The following MOV10 variants were observed in gnomAD, a reference collection of about 807,000 sequenced individuals.
MOV10 encodes Mov10 RNA helicase, also known as RNA helicase MOV-10.
A neutral mutation model predicts 108.4 loss-of-function variants in MOV10; 39 were observed. The observed-to-expected ratio is 0.36, with a 90% CI of 0.28 to 0.47. MOV10 has a LOEUF of 0.47. Among genes scored for constraint, MOV10 ranks in the 20% least tolerant of loss-of-function variants. MOV10 has a pLI of 1.00. For missense variants in MOV10, 952 were observed against 1,297.6 expected (o/e 0.73, Z 4.09); for synonymous variants, 490 against 523.1 (o/e 0.94, Z 0.86).
intron 10 of MOV10, among the ~76,000 whole-genome samples, chr1:112,695,205 G>T (rs1043758948): frequency 2.6e-5 from 4 of 152,202 alleles, no homozygotes; most frequent in Non-Finnish European, 5.9e-5. Flanking sequence ...GGGTGACAGA[G>T]TGAGACTCTG....
chr1:112,689,270 C>A, intron 3 of MOV10, 132 bp downstream of exon 3: 1 of 1,223,548 alleles, frequency 8.2e-7, no homozygotes. Context: ...GGGGGAAGGG[C>A]AGGGAACTGG....
At chr1:112,699,284 G>A (rs578074885) in intron 17 of MOV10, 3 of 252,782 alleles carry the variant, frequency 1.2e-5, no homozygotes, top group African/African-American at 6.8e-5. Context: ...AGCCAGGGTT[G>A]AAAACACTGC....
chr1:112,679,747 CACAGTTTAAAA>C (rs1672480389), intron 2 of MOV10, among the ~76,000 whole-genome samples: 1 of 152,000 alleles, frequency 6.6e-6, no homozygotes, highest in Admixed American at 6.6e-5. Flanking sequence ...CAGAGAAATG[CACAGTTTAAAA>C]AGATAGGAGT....
intron 17 of MOV10, 126 bp downstream of exon 17, chr1:112,698,915 T>G (rs957237698): frequency 2.5e-6 from 2 of 800,926 alleles, no homozygotes; most frequent in African/African-American, 3.4e-5. Context: ...TGAATAGAGC[T>G]CGAGCTCTCC....
intron 2 of MOV10, among the ~76,000 whole-genome samples, chr1:112,678,788 CAG>C (rs1672400797): frequency 6.6e-6 from 1 of 151,928 alleles, no homozygotes; most frequent in Non-Finnish European, 1.5e-5. Flanking sequence ...TAGGAAAACA[CAG>C]AAAATTTCAA....
In MOV10 at chr1:112,700,453, G is replaced by A. The variant is rs765521903; in HGVS notation, c.2958G>A (p.Glu986=). 6.8e-5 allele frequency: 110 copies of A among 1,613,874 alleles called. 3 individuals are homozygous for A. The South Asian group carries it at 1.1e-3, about 16-fold the overall frequency. The change falls in exon 21 of 21, where the codon GAG becomes GAA. Residue 986 remains glutamate (E), a synonymous_variant. Coordinates refer to ENST00000369645, the MANE Select transcript of MOV10 (RefSeq NM_001321324.2). ...ATGACTACCTCCCCCAGGAGCGGGA[G>A]GGTGAAGGGGGCCTGTCTCTGCAAG... ...HSHDYLPQER[E]GEGGLSLQVE...
At chr1:112,679,202 G>A (rs570231437) in intron 2 of MOV10, among the ~76,000 whole-genome samples, 2 of 152,034 alleles carry the variant, frequency 1.3e-5, no homozygotes, top group Non-Finnish European at 2.9e-5. Flanking sequence ...AAACAGCAGG[G>A]GCGGCCTAAG....
At position 112,687,259 on chromosome 1, in the gene MOV10, C is replaced by T. The variant is rs139633270; in HGVS notation, c.138-1676C>T. Among the ~76,000 whole-genome samples, 116 of 152,286 alleles carry T rather than the reference C, an allele frequency of 7.6e-4. No homozygotes were observed. The Middle Eastern group carries it at 0.014, about 18-fold the overall frequency. On this transcript the variant is annotated intron_variant, in intron 2 of 20. Transcript: ENST00000369645. ...TTTTTAAAACAAATCATAGCCAATTCAATGTTTTCCAAATTGTACCAGTCT... is the reference window on the plus strand; with the variant it reads ...TTTTTAAAACAAATCATAGCCAATTTAATGTTTTCCAAATTGTACCAGTCT...
chr1:112,678,119 C>T (rs1220885014), intron 2 of MOV10, among the ~76,000 whole-genome samples: 1 of 151,994 alleles, frequency 6.6e-6, no homozygotes, highest in African/African-American at 2.4e-5. Flanking sequence ...TTTTCCATTT[C>T]CCCAACTGTA....
chr1:112,676,672 A>G (rs1672221818), intron 2 of MOV10, among the ~76,000 whole-genome samples: 2 of 152,230 alleles, frequency 1.3e-5, no homozygotes, highest in South Asian at 4.1e-4. Context: ...GATTCTTGTT[A>G]AAGGCAGACC....
intron 2 of MOV10, among the ~76,000 whole-genome samples, chr1:112,677,531 C>G (rs1672290005): frequency 6.6e-6 from 1 of 152,066 alleles, no homozygotes; most frequent in African/African-American, 2.4e-5. Flanking sequence ...GTATTATGGT[C>G]ACGTTACACT....
rs757536290 is a variant in MOV10, at chr1:112,689,650, G to C, written c.577G>C (p.Gly193Arg). 6.2e-7 allele frequency: 1 copy of C among 1,613,476 alleles called. No homozygotes were observed. Among genetic ancestry groups the C allele is most frequent in the Non-Finnish European group, 8.5e-7 (1 of 1,179,458 alleles). Residue 193 changes from glycine to arginine, a missense_variant and splice_region_variant, in exon 4 of 21, where the codon GGT becomes CGT. By Grantham distance (125) the Gly-to-Arg change is moderately radical (BLOSUM62 -2). Around this residue, in one of 5 missense-constraint regions of MOV10, gnomAD observed 374 missense variants for 468.6 expected, o/e 0.80. Transcript: ENST00000369645. Reference protein sequence around the residue: ...DQELPCPLGPGECYELHVHCK... With the variant: ...DQELPCPLGPRECYELHVHCK... ...GGAGTTGCCCTGTCCACTGGGCCCC[G>C]GTGAGTGAGTTTCCAAAGGAAAGAG...
intron 12 of MOV10, 40 bp from the exon 13 acceptor site, chr1:112,696,397 G>A (rs1030560821): frequency 2.6e-6 from 4 of 1,530,204 alleles, no homozygotes; most frequent in East Asian, 2.2e-5. Flanking sequence ...TGGTAGTTGG[G>A]TGCCTGGATA....
intron 2 of MOV10, among the ~76,000 whole-genome samples, chr1:112,679,678 C>T (rs1244866756): frequency 4.6e-5 from 7 of 151,858 alleles, no homozygotes; most frequent in African/African-American, 1.7e-4. Context: ...TCAGGCAGCT[C>T]ACAGAAGAAA....
intron 2 of MOV10, among the ~76,000 whole-genome samples, chr1:112,676,451 G>C (rs1672205431): frequency 6.6e-6 from 1 of 152,226 alleles, no homozygotes; most frequent in African/African-American, 2.4e-5. Context: ...TAAGGAAAAA[G>C]TAATTGGTTA....
At chr1:112,682,720 T>C (rs1057462140) in intron 2 of MOV10, among the ~76,000 whole-genome samples, 16 of 152,214 alleles carry the variant, frequency 1.1e-4, no homozygotes, top group African/African-American at 3.9e-4. Flanking sequence ...AATGGAATCA[T>C]ATAGTATGTA....
intron 2 of MOV10, among the ~76,000 whole-genome samples, chr1:112,679,302 A>T (rs539824093): frequency 5.5e-4 from 83 of 152,230 alleles, no homozygotes; most frequent in Non-Finnish European, 1.1e-3. Flanking sequence ...TGAAATAAGG[A>T]TGGATTGACA....
chr1:112,700,381 G>A (rs1301997212), intron 20 of MOV10, 35 bp from the exon 21 acceptor site: 2 of 1,613,942 alleles, frequency 1.2e-6, no homozygotes, highest in Non-Finnish European at 1.7e-6. Flanking sequence ...AGAGGAGGTG[G>A]TAAGGAAGAC....
In MOV10 at chr1:112,700,685, T is replaced by C. The variant is rs774468117; in HGVS notation, c.*178T>C. On this transcript the variant is annotated 3_prime_UTR_variant, in exon 21 of 21. Transcript: ENST00000369645. Reference sequence around the variant, plus strand: ...GAATGACACATCAAGCTGCTAACAATTGGGGGAAGGGGAAGGAAGAAAACT... The same window carrying C: ...GAATGACACATCAAGCTGCTAACAACTGGGGGAAGGGGAAGGAAGAAAACT... 5.3e-5 allele frequency: 81 copies of C among 1,528,804 alleles called. No individual in the cohort carries two copies. Among genetic ancestry groups the C allele is most frequent in the African/African-American group, 3.6e-4 (26 of 72,284 alleles). 94.7% of individuals were successfully genotyped at this position (1,528,804 alleles called of 1,614,324 possible).
Sources: gnomAD v4.1 joint callset for allele counts (sites outside exome capture counted in the v4.1 genomes callset) on GRCh38, gnomAD v4.1.1 for gene constraint, gnomAD v4.1.1 regional missense constraint, MANE v1.5 for transcripts, NCBI Gene and HGNC (gene_info 2026-07-23, HGNC 2026-07-21) for gene names.